Variants in EDARADD observed in about 807,000 individuals in gnomAD.
The protein encoded by EDARADD is ectodysplasin-A receptor-associated adapter protein.
Under a neutral mutation model 25.6 loss-of-function variants are expected in EDARADD, and 20 were observed. The observed-to-expected ratio is 0.78, with a 90% CI of 0.55 to 1.14. The LOEUF (loss-of-function observed/expected upper bound fraction) is 1.14, where lower values mean the gene tolerates loss of function less well. EDARADD is among the 50% of genes most tolerant of loss of function. The pLI, the probability that EDARADD is intolerant of heterozygous loss-of-function variation, is 0.00. For missense variants in EDARADD, 225 were observed against 270.1 expected (o/e 0.83, Z 1.17); for synonymous variants, 86 against 94.4 (o/e 0.91, Z 0.52).
intron 5 of EDARADD, among the ~76,000 whole-genome samples, chr1:236,477,526 A>T (rs1399797316): frequency 6.6e-6 from 1 of 152,128 alleles, no homozygotes; most frequent in East Asian, 1.9e-4. Flanking sequence ...GATGCAAACA[A>T]ACTGATGTGG....
chr1:236,424,832 G>A (rs78100448), intron 3 of EDARADD, among the ~76,000 whole-genome samples: 20,041 of 152,198 alleles, frequency 0.13, 1,413 homozygotes, highest in Admixed American at 0.19. Flanking sequence ...GAGGGACTCT[G>A]CTACAACTTT....
chr1:236,426,774 C>T (rs564838558), intron 3 of EDARADD, among the ~76,000 whole-genome samples: 46 of 152,306 alleles, frequency 3.0e-4, no homozygotes, highest in African/African-American at 1.1e-3. Context: ...ACATGCCTAT[C>T]TTCCCAGATA....
At chr1:236,466,984 G>T (rs1029540986) in intron 4 of EDARADD, among the ~76,000 whole-genome samples, 1 of 151,908 alleles carries the variant, frequency 6.6e-6, no homozygotes, top group African/African-American at 2.4e-5. Flanking sequence ...GGAGAATGGC[G>T]TGAACCCAGG....
intron 4 of EDARADD, among the ~76,000 whole-genome samples, chr1:236,450,837 C>T (rs1658692675): frequency 1.3e-5 from 2 of 152,192 alleles, no homozygotes; most frequent in South Asian, 4.1e-4. Flanking sequence ...GCGTGAGTCA[C>T]TGCATCCAGC....
At chr1:236,416,624 G>A (rs1657646816) in intron 3 of EDARADD, among the ~76,000 whole-genome samples, 1 of 152,138 alleles carries the variant, frequency 6.6e-6, no homozygotes, top group South Asian at 2.1e-4. Context: ...ATGCTGAATA[G>A]TATTTTTTTC....
intron 5 of EDARADD, 136 bp from the exon 6 acceptor site, chr1:236,482,131 A>AG (rs1659693535): frequency 2.9e-6 from 3 of 1,047,360 alleles, no homozygotes; most frequent in Non-Finnish European, 4.2e-6. Flanking sequence ...AAAAAAAAAA[A>AG]GAAAGAAACG....
intron 4 of EDARADD, among the ~76,000 whole-genome samples, chr1:236,439,059 A>G (rs1658337053): frequency 6.6e-6 from 1 of 152,148 alleles, no homozygotes; most frequent in Non-Finnish European, 1.5e-5. Context: ...CTGTCTCCAT[A>G]CTTTTGCCTT....
In EDARADD at chr1:236,484,191, A is replaced by T; in HGVS notation, c.*1542A>T. ...GAAGAAGTGCAACTGCCTCCTGCTCAAAGTGAACCAGATTCGCTCTGTGAC... is the reference window on the plus strand; with the variant it reads ...GAAGAAGTGCAACTGCCTCCTGCTCTAAGTGAACCAGATTCGCTCTGTGAC... On this transcript the variant is annotated 3_prime_UTR_variant, in exon 6 of 6. Transcript: ENST00000334232. This position sits in a 1 kb window ranked among gnomAD's most constrained non-coding sequence, Gnocchi z 4.1. The T allele has an allele frequency of 9.0e-7, 1 of 1,116,622 alleles. No individual in the cohort carries two copies. Among genetic ancestry groups the T allele is most frequent in the Non-Finnish European group, 1.4e-6 (1 of 726,914 alleles). 69.2% of individuals were successfully genotyped at this position (1,116,622 alleles called of 1,614,324 possible). A position where few individuals can be genotyped will look rare whatever the true frequency, so the allele number is the denominator to read the frequency against.
chr1:236,426,763 C>T (rs1657931290), intron 3 of EDARADD, among the ~76,000 whole-genome samples: 1 of 152,166 alleles, frequency 6.6e-6, no homozygotes, highest in Non-Finnish European at 1.5e-5. Flanking sequence ...GGTGTGGTGG[C>T]ACATGCCTAT....
chr1:236,416,215 G>A (rs192735745), intron 3 of EDARADD, among the ~76,000 whole-genome samples: 15 of 152,318 alleles, frequency 9.8e-5, no homozygotes, highest in Admixed American at 7.8e-4. Flanking sequence ...ACCTCCCAGG[G>A]TGCTGGTGAG....
intron 3 of EDARADD, among the ~76,000 whole-genome samples, chr1:236,418,105 C>T (rs938864262): frequency 2.0e-5 from 3 of 152,126 alleles, no homozygotes; most frequent in Admixed American, 6.6e-5. Flanking sequence ...AGGCGCCCAC[C>T]ACCACGCCCA....
intron 5 of EDARADD, among the ~76,000 whole-genome samples, chr1:236,477,222 G>A (rs1327293569): frequency 6.6e-6 from 1 of 151,974 alleles, no homozygotes; most frequent in African/African-American, 2.4e-5. Flanking sequence ...GTCATTAGAA[G>A]AACTGGATTA....
chr1:236,455,777 C>G (rs1161091577), intron 4 of EDARADD, among the ~76,000 whole-genome samples: 1 of 149,812 alleles, frequency 6.7e-6, no homozygotes, highest in Non-Finnish European at 1.5e-5. Context: ...GTCGGTTGCA[C>G]TGGAATAGAA....
chr1:236,387,181 T>C (rs1167090206), intron 3 of EDARADD, among the ~76,000 whole-genome samples: 4 of 66,518 alleles, frequency 6.0e-5, no homozygotes, highest in East Asian at 6.8e-4. Context: ...AGCCGCCCCG[T>C]CCGGGAGGGA....
At position 236,468,212 on chromosome 1, in the gene EDARADD, G is replaced by A. The variant is rs768595907; in HGVS notation, c.220-19G>A. 5 of 1,611,756 alleles carry A rather than the reference G, an allele frequency of 3.1e-6. No homozygotes were observed. In the East Asian group the frequency reaches 1.1e-4, roughly 36 times the overall value. On this transcript the variant is annotated intron_variant, in intron 4 of 5. Transcript: ENST00000334232. ...ACATTTGGATATGATTTTAATGAAG[G>A]TTGCTTTTTGGTTTTTAGGGAGAAG...
At chr1:236,351,909 G>C (rs1666919005) in intron 3 of EDARADD, among the ~76,000 whole-genome samples, 1 of 152,018 alleles carries the variant, frequency 6.6e-6, no homozygotes, top group African/African-American at 2.4e-5. Flanking sequence ...AAAAGGTGGA[G>C]GTTTCTCGGA....
intron 5 of EDARADD, among the ~76,000 whole-genome samples, chr1:236,475,485 G>A (rs1363553590): frequency 2.0e-5 from 3 of 152,060 alleles, no homozygotes; most frequent in Admixed American, 1.3e-4. Flanking sequence ...CACACACAGG[G>A]CGAGCACTGT....
At chr1:236,481,491 G>A (rs933290774) in intron 5 of EDARADD, among the ~76,000 whole-genome samples, 6 of 151,458 alleles carry the variant, frequency 4.0e-5, no homozygotes, top group African/African-American at 7.3e-5. Context: ...AGCCAGGTGC[G>A]GTGGCTCATG....
Position 236,409,665 on chromosome 1 carries a change from G to A in EDARADD, c.120+391G>A, listed in dbSNP as rs556125947. Among the ~76,000 whole-genome samples, 4 of 151,896 alleles carry A rather than the reference G, an allele frequency of 2.6e-5. No homozygotes were observed. The East Asian group carries it at 7.7e-4, about 29-fold the overall frequency. ...CAATCTCTGCCTCCCAGGTTCAAGCGATTCTCCTGCCTCAGCCTCCCAAGT... is the reference window on the plus strand; with the variant it reads ...CAATCTCTGCCTCCCAGGTTCAAGCAATTCTCCTGCCTCAGCCTCCCAAGT... On this transcript the variant is annotated intron_variant, in intron 2 of 5. Coordinates refer to ENST00000334232, the MANE Select transcript of EDARADD (RefSeq NM_145861.4).
Sources: gnomAD v4.1 joint callset for allele counts (sites outside exome capture counted in the v4.1 genomes callset) on GRCh38, gnomAD v4.1.1 for gene constraint, Gnocchi (gnomAD v3.1) non-coding constraint, MANE v1.5 for transcripts, NCBI Gene and HGNC (gene_info 2026-07-23, HGNC 2026-07-21) for gene names.